Variants in OXCT1 observed in about 807,000 individuals in gnomAD.
The protein encoded by OXCT1 is 3-oxoacid CoA-transferase 1, also known as succinyl-CoA:3-ketoacid coenzyme A transferase 1, mitochondrial.
In OXCT1, 27 loss-of-function variants were observed where a neutral mutation model predicts 69.6. The ratio of observed to expected loss-of-function variants is 0.39; its 90% CI spans 0.29 to 0.54. The LOEUF (loss-of-function observed/expected upper bound fraction) is 0.54, where lower values mean the gene tolerates loss of function less well. Ranked by LOEUF, OXCT1 falls within the 20% of genes least tolerant of loss-of-function variation. The pLI is 0.72. For missense variants in OXCT1, 437 were observed against 650.2 expected (o/e 0.67, Z 3.57); for synonymous variants, 202 against 217.8 (o/e 0.93, Z 0.64).
intron 3 of OXCT1, among the ~76,000 whole-genome samples, chr5:41,858,425 C>T (rs1236764576): frequency 6.6e-6 from 1 of 152,138 alleles, no homozygotes; most frequent in African/African-American, 2.4e-5. Context: ...CATCTTATAG[C>T]TCTTTAATAC....
At chr5:41,831,977 G>A (rs530810176) in intron 7 of OXCT1, among the ~76,000 whole-genome samples, 6 of 152,302 alleles carry the variant, frequency 3.9e-5, no homozygotes, top group Admixed American at 6.5e-5. Flanking sequence ...GAGATGGAGA[G>A]GTGGTGGAGC....
intron 5 of OXCT1, among the ~76,000 whole-genome samples, chr5:41,847,896 T>TC (rs1363917255): frequency 4.0e-5 from 6 of 150,046 alleles, no homozygotes; most frequent in African/African-American, 1.5e-4. Context: ...CTCTCACCAC[T>TC]CCTATTCAAC....
chr5:41,731,702 A>C lies in OXCT1; in HGVS notation c.*27T>G. The C allele has an allele frequency of 1.9e-6, 3 of 1,595,734 alleles. No homozygotes were observed. The highest frequency in any genetic ancestry group is 2.6e-6 in the Non-Finnish European group (3 of 1,169,864). On this transcript the variant is annotated 3_prime_UTR_variant, in exon 17 of 17. Coordinates refer to ENST00000196371, the MANE Select transcript of OXCT1 (RefSeq NM_000436.4). ...ATCTTGTGTGTTTAAAATGAAAAAC[A>C]CGCAGCCTGGTACAAATATCCATAT...
At chr5:41,817,938 C>T (rs1747328517) in intron 7 of OXCT1, among the ~76,000 whole-genome samples, 1 of 152,178 alleles carries the variant, frequency 6.6e-6, no homozygotes, top group African/African-American at 2.4e-5. Context: ...AAATATAAAG[C>T]CATCAGGAAG....
intron 15 of OXCT1, among the ~76,000 whole-genome samples, chr5:41,743,558 C>G (rs1743304936): frequency 6.6e-6 from 1 of 152,170 alleles, no homozygotes; most frequent in Non-Finnish European, 1.5e-5. Context: ...CTCGCCCATG[C>G]CTATGTCCTG....
At chr5:41,838,317 T>C (rs1474369692) in intron 7 of OXCT1, among the ~76,000 whole-genome samples, 1 of 152,206 alleles carries the variant, frequency 6.6e-6, no homozygotes, top group Non-Finnish European at 1.5e-5. Flanking sequence ...CAAATTATTT[T>C]CCACTTTTGA....
chr5:41,751,442 A>T (rs558579009), intron 14 of OXCT1, among the ~76,000 whole-genome samples: 150 of 152,250 alleles, frequency 9.9e-4, no homozygotes, highest in African/African-American at 3.3e-3. Context: ...TTTCTAGACC[A>T]TTCTCTGCAT....
In OXCT1 at chr5:41,754,430, C is replaced by T. The variant is rs575918378; in HGVS notation, c.1339-4823G>A. 4.6e-5 allele frequency among the ~76,000 whole-genome samples: 7 copies of T among 152,108 alleles called. No individual in the cohort carries two copies. In the East Asian group the frequency reaches 1.4e-3, roughly 30 times the overall value. Reference sequence around the variant, plus strand: ...TGATGTAGCTGGATTATTTGTAACACAAAAGATACATGCTTGAGAAGATGG... The same window carrying T: ...TGATGTAGCTGGATTATTTGTAACATAAAAGATACATGCTTGAGAAGATGG... On this transcript the variant is annotated intron_variant, in intron 14 of 16. Coordinates refer to ENST00000196371, the MANE Select transcript of OXCT1 (RefSeq NM_000436.4).
chr5:41,839,003 C>A (rs1748504862), intron 7 of OXCT1, among the ~76,000 whole-genome samples: 1 of 152,010 alleles, frequency 6.6e-6, no homozygotes, highest in South Asian at 2.1e-4. Context: ...TGAAAGAGAC[C>A]CTAATGTGTG....
At chr5:41,774,685 G>T (rs1379656842) in intron 13 of OXCT1, among the ~76,000 whole-genome samples, 3 of 152,146 alleles carry the variant, frequency 2.0e-5, no homozygotes, top group African/African-American at 7.2e-5. Context: ...CACGAGGTCA[G>T]GAGATCGAGA....
At chr5:41,810,457 C>A (rs1403951425) in intron 7 of OXCT1, among the ~76,000 whole-genome samples, 1 of 152,042 alleles carries the variant, frequency 6.6e-6, no homozygotes, top group Non-Finnish European at 1.5e-5. Flanking sequence ...TAAGAACAAC[C>A]CGGACTTCTC....
At chr5:41,776,687 A>ACAGATC (rs1338312462) in intron 13 of OXCT1, among the ~76,000 whole-genome samples, 1 of 152,234 alleles carries the variant, frequency 6.6e-6, no homozygotes, top group African/African-American at 2.4e-5. Flanking sequence ...ATTTACCAGA[A>ACAGATC]CAGAGTATGC....
At chr5:41,859,907 T>TATATATATATATATATATAC (rs1304074270) in intron 3 of OXCT1, among the ~76,000 whole-genome samples, 3 of 138,480 alleles carry the variant, frequency 2.2e-5, no homozygotes, top group African/African-American at 8.0e-5. Context: ...TATATATATA[T>TATATATATATATATATATAC]ACACACACAC....
At chr5:41,836,589 G>A (rs867842478) in intron 7 of OXCT1, among the ~76,000 whole-genome samples, 2 of 152,122 alleles carry the variant, frequency 1.3e-5, no homozygotes, top group Non-Finnish European at 2.9e-5. Context: ...GGGCAGGGAC[G>A]TGGTTTTGGG....
intron 16 of OXCT1, among the ~76,000 whole-genome samples, chr5:41,733,728 A>T (rs1416279260): frequency 2.0e-5 from 3 of 152,194 alleles, no homozygotes; most frequent in Non-Finnish European, 4.4e-5. Flanking sequence ...ATGACATCAA[A>T]AATAAGATAA....
chr5:41,831,808 T>C (rs950970639), intron 7 of OXCT1, among the ~76,000 whole-genome samples: 1 of 152,198 alleles, frequency 6.6e-6, no homozygotes, highest in African/African-American at 2.4e-5. Context: ...TTATATATGT[T>C]CATTATCCTC....
At position 41,794,057 on chromosome 5, in the gene OXCT1, C is replaced by A; in HGVS notation, c.1194G>T (p.Met398Ile). 1 of 1,613,288 alleles carries A rather than the reference C, an allele frequency of 6.2e-7. No homozygotes were observed. Among genetic ancestry groups the A allele is most frequent in the East Asian group, 2.2e-5 (1 of 44,860 alleles). The part of the protein sequence containing the change: ...MIRGGHVDLT[M>I]LGAMQVSKYG... The stretch of plus-strand genomic sequence containing the variant: ...ATTTGGAAACCTGCATCGCTCCTAG[C>A]ATTGTCAGATCGACGTGTCCACTGA... The change falls in exon 13 of 17, where the codon ATG becomes ATT. Residue 398 changes from methionine to isoleucine, a missense_variant. This residue lies in a region of OXCT1 where 102 missense variants were observed against 162.1 expected (regional missense o/e 0.63). Coordinates refer to ENST00000196371, the MANE Select transcript of OXCT1 (RefSeq NM_000436.4).
At chr5:41,838,854 G>A (rs1748497524) in intron 7 of OXCT1, among the ~76,000 whole-genome samples, 1 of 152,128 alleles carries the variant, frequency 6.6e-6, no homozygotes, top group Non-Finnish European at 1.5e-5. Context: ...CGATCCACCT[G>A]CCTCAGCCTT....
chr5:41,765,043 A>G (rs998008845), intron 13 of OXCT1, among the ~76,000 whole-genome samples: 2 of 152,176 alleles, frequency 1.3e-5, no homozygotes, highest in African/African-American at 4.8e-5. Flanking sequence ...GTCCATTACT[A>G]AAAAGAAGAA....
Sources: gnomAD v4.1 joint callset for allele counts (sites outside exome capture counted in the v4.1 genomes callset) on GRCh38, gnomAD v4.1.1 for gene constraint, gnomAD v4.1.1 regional missense constraint, MANE v1.5 for transcripts, NCBI Gene and HGNC (gene_info 2026-07-23, HGNC 2026-07-21) for gene names.